TOP1: variants seen among roughly 807,000 people sequenced by gnomAD.
TOP1 encodes the protein DNA topoisomerase I.
In TOP1, 10 loss-of-function variants were observed where a neutral mutation model predicts 111.1. The observed-to-expected ratio is 0.09, with a 90% confidence interval of 0.06 to 0.15. The LOEUF (loss-of-function observed/expected upper bound fraction) is 0.15. Ranked by LOEUF, TOP1 falls within the 10% of genes least tolerant of loss-of-function variation. TOP1 has a pLI of 1.00. For missense variants in TOP1, 474 were observed against 926.7 expected (o/e 0.51, Z 6.34); for synonymous variants, 271 against 302.9 (o/e 0.89, Z 1.10).
At chr20:41,052,446 A>C (rs1218478929) in intron 2 of TOP1, among the ~76,000 whole-genome samples, 3 of 152,136 alleles carry the variant, frequency 2.0e-5, no homozygotes, top group Admixed American at 1.3e-4. Context: ...TTTTTATCTT[A>C]TATATGCCTG....
rs1003730712 is a variant in TOP1, at chr20:41,046,044, A to G, written c.59-15350A>G. Among the ~76,000 whole-genome samples the G allele has an allele frequency of 6.6e-6, 1 of 152,248 alleles. No homozygotes were observed. Among genetic ancestry groups the G allele is most frequent in the African/African-American group, 2.4e-5 (1 of 41,466 alleles). On this transcript the variant is annotated intron_variant, in intron 2 of 20. Coordinates refer to ENST00000361337, the MANE Select transcript of TOP1 (RefSeq NM_003286.4). The surrounding 1 kb of genome is among the most constrained non-coding windows in gnomAD (Gnocchi z 4.3). ...AGATACCAACTTGAGTAAATTGCTT[A>G]AGGACTGGGAATAGATCCAGATTCC...
chr20:41,113,925 A>G, intron 14 of TOP1, 45 bp from the exon 15 acceptor site: 3 of 1,429,394 alleles, frequency 2.1e-6, no homozygotes, highest in Non-Finnish European at 2.9e-6. Context: ...TGTAAGGATC[A>G]TGTCTCTTCC....
chr20:41,043,256 A>G (rs1366318745), intron 2 of TOP1, among the ~76,000 whole-genome samples: 1 of 152,226 alleles, frequency 6.6e-6, no homozygotes, highest in Non-Finnish European at 1.5e-5. Flanking sequence ...TTCAGAACCA[A>G]TAGAATAGAG....
chr20:41,093,027 T>TG (rs1187397941), intron 9 of TOP1, among the ~76,000 whole-genome samples: 2 of 152,254 alleles, frequency 1.3e-5, no homozygotes, highest in African/African-American at 4.8e-5. Context: ...ATTAATAGTC[T>TG]GCCATCCATC....
At chr20:41,053,779 CTG>C (rs2033434896) in intron 2 of TOP1, among the ~76,000 whole-genome samples, 1 of 152,170 alleles carries the variant, frequency 6.6e-6, no homozygotes, top group Admixed American at 6.5e-5. Flanking sequence ...ATTCTACATT[CTG>C]CCTCCTTTGT....
Position 41,123,693 on chromosome 20 carries a change from C to G in TOP1, c.*396C>G. On this transcript the variant is annotated 3_prime_UTR_variant, in exon 21 of 21. Coordinates refer to ENST00000361337, the MANE Select transcript of TOP1 (RefSeq NM_003286.4). The surrounding 1 kb of genome is among the most constrained non-coding windows in gnomAD (Gnocchi z 5.8). ...TTTTACAGTTAGGGTTTTGCAATAA[C>G]TTCTATATTTTAATAGAAATAAATT... 4.3e-6 allele frequency: 1 copy of G among 234,410 alleles called. No homozygotes were observed. The highest frequency in any genetic ancestry group is 8.4e-6 in the Non-Finnish European group (1 of 118,732). The allele number at this position is 234,410 out of a possible 1,614,324, so 14.5% of individuals were successfully genotyped here.
chr20:41,085,544 A>G (rs1423196116), intron 8 of TOP1, among the ~76,000 whole-genome samples: 3 of 152,244 alleles, frequency 2.0e-5, no homozygotes, highest in Admixed American at 6.5e-5. Flanking sequence ...TTTAACTACT[A>G]TACCAGCAGT....
At position 41,056,006 on chromosome 20, in the gene TOP1, C is replaced by T. The variant is rs117267189; in HGVS notation, c.59-5388C>T. On this transcript the variant is annotated intron_variant, in intron 2 of 20. Coordinates refer to ENST00000361337, the MANE Select transcript of TOP1 (RefSeq NM_003286.4). ...CATACACATAGAGAAATATAATGAACTCCCATGTGTCTGTCACTCAGCTTC... is the reference window on the plus strand; with the variant it reads ...CATACACATAGAGAAATATAATGAATTCCCATGTGTCTGTCACTCAGCTTC... Among the ~76,000 whole-genome samples the T allele has an allele frequency of 1.3e-3, 193 of 152,296 alleles. 3 individuals carry two copies. In the East Asian group the frequency reaches 0.034, roughly 26 times the overall value.
rs1384416202 is a variant in TOP1 at position 41,061,775 on chromosome 20, C to CA, written c.155+286dup. On this transcript the variant is annotated intron_variant, in intron 3 of 20. Transcript: ENST00000361337. This position sits in a 1 kb window ranked among gnomAD's most constrained non-coding sequence, Gnocchi z 4.6. ...AGATAGGTAAGGATTCATTGTGACACATGATGGCATTTAATCAAGTCTGTA... is the reference window on the plus strand; with the variant it reads ...AGATAGGTAAGGATTCATTGTGACACAATGATGGCATTTAATCAAGTCTGTA... Among the ~76,000 whole-genome samples the CA allele has an allele frequency of 6.6e-6, 1 of 152,150 alleles. No homozygotes were observed. The highest frequency in any genetic ancestry group is 1.5e-5 in the Non-Finnish European group (1 of 68,034).
intron 7 of TOP1, 102 bp downstream of exon 7, chr20:41,081,342 T>G: frequency 7.3e-7 from 1 of 1,365,260 alleles, no homozygotes; most frequent in Middle Eastern, 2.6e-4. Context: ...TTTATTGGCT[T>G]GTTATAACAT....
At chr20:41,063,712 C>A (rs573493617) in intron 3 of TOP1, among the ~76,000 whole-genome samples, 14 of 152,058 alleles carry the variant, frequency 9.2e-5, no homozygotes, top group Non-Finnish European at 1.9e-4. Context: ...TTTTTTCATA[C>A]ATTTGTTGGC....
chr20:41,097,997 G>A lies in TOP1; in HGVS notation c.853-218G>A, dbSNP rs1311738827. ...AAGAATTCATTTTTTTCCATGATAA[G>A]TCATTTTAAAACATTTTAATATTAG... On this transcript the variant is annotated intron_variant, in intron 10 of 20. Transcript: ENST00000361337. The surrounding 1 kb of genome is among the most constrained non-coding windows in gnomAD (Gnocchi z 4.2). 6.6e-6 allele frequency among the ~76,000 whole-genome samples: 1 copy of A among 152,126 alleles called. No individual in the cohort carries two copies. Among genetic ancestry groups the A allele is most frequent in the Non-Finnish European group, 1.5e-5 (1 of 68,022 alleles).
Position 41,116,370 on chromosome 20 carries a change from G to C in TOP1, c.1800G>C (p.Gln600His). 1 of 1,614,086 alleles carries C rather than the reference G, an allele frequency of 6.2e-7. No individual in the cohort carries two copies. ...ACAATGCCTCCATCACGCTACAGCA[G>C]CAGCTAAAAGAACTGACAGCCCGTA... Reference protein sequence around the residue: ...RTYNASITLQQQLKELTAPDE... With the variant: ...RTYNASITLQHQLKELTAPDE... The change falls in exon 17 of 21, where the codon CAG (glutamine) becomes CAC (histidine). Residue 600 changes from glutamine to histidine, a missense_variant. Physicochemically the swap from Gln to His is conservative, Grantham distance 24. Around this residue, in one of 14 missense-constraint regions of TOP1, gnomAD observed 18 missense variants for 20.5 expected, o/e 0.88. Coordinates refer to ENST00000361337, the MANE Select transcript of TOP1 (RefSeq NM_003286.4). This position sits in a 1 kb window ranked among gnomAD's most constrained non-coding sequence, Gnocchi z 5.6.
intron 8 of TOP1, among the ~76,000 whole-genome samples, chr20:41,086,240 G>A (rs1229836234): frequency 1.3e-5 from 2 of 150,646 alleles, no homozygotes; most frequent in Non-Finnish European, 3.0e-5. Context: ...TCCAGCCTGG[G>A]CGACAGAGCG....
rs959921799 is a variant in TOP1, at chr20:41,061,269, A to G, written c.59-125A>G. 2.0e-5 allele frequency: 16 copies of G among 788,146 alleles called. No individual in the cohort carries two copies. The highest frequency in any genetic ancestry group is 1.6e-4 in the African/African-American group (9 of 56,414). The allele number at this position is 788,146 out of a possible 1,614,324, so 48.8% of individuals were successfully genotyped here. On this transcript the variant is annotated intron_variant, in intron 2 of 20. Transcript: ENST00000361337. The surrounding 1 kb of genome is among the most constrained non-coding windows in gnomAD (Gnocchi z 4.6). ...TGTGAAAGCTTTTTTTTTCAGTGGCATGTGCTATTATGCCTACCATGCCAT... is the reference window on the plus strand; with the variant it reads ...TGTGAAAGCTTTTTTTTTCAGTGGCGTGTGCTATTATGCCTACCATGCCAT...
intron 2 of TOP1, among the ~76,000 whole-genome samples, chr20:41,052,515 C>T (rs916482875): frequency 2.0e-5 from 3 of 152,130 alleles, no homozygotes; most frequent in Non-Finnish European, 4.4e-5. Flanking sequence ...ATATCTGCAG[C>T]TTCATTGTCA....
chr20:41,114,461 A>C lies in TOP1; in HGVS notation c.1638+306A>C, dbSNP rs2034296991. Among the ~76,000 whole-genome samples the C allele has an allele frequency of 6.6e-6, 1 of 152,230 alleles. No individual in the cohort carries two copies. Among genetic ancestry groups the C allele is most frequent in the South Asian group, 2.1e-4 (1 of 4,828 alleles). On this transcript the variant is annotated intron_variant, in intron 15 of 20. Coordinates refer to ENST00000361337, the MANE Select transcript of TOP1 (RefSeq NM_003286.4). This position sits in a 1 kb window ranked among gnomAD's most constrained non-coding sequence, Gnocchi z 4.5. ...TAAATAAAAATAAATGACTTGAAAG[A>C]GGGGAGAGGTATTATTTGATATCTT...
rs1340223943 is a variant in TOP1 at position 41,112,965 on chromosome 20, T to A, written c.1452+40T>A. 1 of 1,598,722 alleles carries A rather than the reference T, an allele frequency of 6.3e-7. No individual in the cohort carries two copies. Among genetic ancestry groups the A allele is most frequent in the East Asian group, 2.2e-5 (1 of 44,748 alleles). On this transcript the variant is annotated intron_variant, in intron 14 of 20. Coordinates refer to ENST00000361337, the MANE Select transcript of TOP1 (RefSeq NM_003286.4). This position sits in a 1 kb window ranked among gnomAD's most constrained non-coding sequence, Gnocchi z 5.8. ...CCATCGGCATTGTCTAGTGTTGAGC[T>A]TAACAAAGGGAGTTTCTGCTCTGCC...
intron 2 of TOP1, among the ~76,000 whole-genome samples, chr20:41,044,932 C>T (rs893678328): frequency 3.3e-5 from 5 of 152,082 alleles, no homozygotes; most frequent in African/African-American, 1.2e-4. Context: ...GGATTACAGG[C>T]GTGGGCCACC....
Sources: gnomAD v4.1 joint callset for allele counts (sites outside exome capture counted in the v4.1 genomes callset) on GRCh38, gnomAD v4.1.1 for gene constraint, gnomAD v4.1.1 regional missense constraint, Gnocchi (gnomAD v3.1) non-coding constraint, MANE v1.5 for transcripts, NCBI Gene and HGNC (gene_info 2026-07-23, HGNC 2026-07-21) for gene names.